RPS6KC1: variants seen among roughly 807,000 people sequenced by gnomAD.
RPS6KC1 encodes ribosomal protein S6 kinase C1, also known as inactive ribosomal protein S6 kinase delta-1.
In RPS6KC1, 54 loss-of-function variants were observed where a neutral mutation model predicts 103.8. The observed-to-expected ratio is 0.52, with a 90% CI of 0.42 to 0.65. The LOEUF (loss-of-function observed/expected upper bound fraction) is 0.65, where lower values mean the gene tolerates loss of function less well. Among genes scored for constraint, RPS6KC1 ranks in the 30% least tolerant of loss-of-function variants. RPS6KC1 has a pLI of 0.00. For missense variants in RPS6KC1, 1,151 were observed against 1,253.8 expected (o/e 0.92, Z 1.24); for synonymous variants, 439 against 438.7 (o/e 1.00, Z -0.01).
At chr1:213,692,383 T>C in the RPS6KC1 span, among the ~76,000 whole-genome samples, 1 of 104,484 alleles carries the variant, frequency 9.6e-6, no homozygotes, top group Middle Eastern at 4.5e-3. Flanking sequence ...AGTGAGACTC[T>C]GTCTCAAAAA....
chr1:213,432,732 A>C, the RPS6KC1 span, among the ~76,000 whole-genome samples: 1 of 142,914 alleles, frequency 7.0e-6, no homozygotes, highest in Non-Finnish European at 1.5e-5. Flanking sequence ...AGAATCATAC[A>C]GCATGTAATC....
chr1:213,447,785 A>G, the RPS6KC1 span, among the ~76,000 whole-genome samples: 2 of 152,240 alleles, frequency 1.3e-5, no homozygotes, highest in Non-Finnish European at 2.9e-5. Flanking sequence ...GGAAGATAAA[A>G]TAGAAATTAA....
At chr1:213,296,940 C>T in the RPS6KC1 span, among the ~76,000 whole-genome samples, 8 of 152,186 alleles carry the variant, frequency 5.3e-5, no homozygotes, top group Admixed American at 3.9e-4. Context: ...GGGGAAGAAT[C>T]TTCCAGGTGG....
chr1:213,829,100 C>G, the RPS6KC1 span, among the ~76,000 whole-genome samples: 1 of 152,030 alleles, frequency 6.6e-6, no homozygotes, highest in Non-Finnish European at 1.5e-5. Context: ...ACTTATGAAT[C>G]TTGTAGTCCC....
chr1:213,661,118 C>T, the RPS6KC1 span, among the ~76,000 whole-genome samples: 1 of 152,088 alleles, frequency 6.6e-6, no homozygotes, highest in Non-Finnish European at 1.5e-5. Flanking sequence ...AGCCTTCAGA[C>T]CCCAGAGCTT....
intron 8 of RPS6KC1, among the ~76,000 whole-genome samples, chr1:213,222,001 A>G (rs1467331441): frequency 6.6e-6 from 1 of 152,276 alleles, no homozygotes; most frequent in African/African-American, 2.4e-5. Flanking sequence ...CCTCAAAGAG[A>G]TATTTCCTTT....
intron 12 of RPS6KC1, among the ~76,000 whole-genome samples, chr1:213,245,121 A>G (rs2094433271): frequency 6.6e-6 from 1 of 152,180 alleles, no homozygotes; most frequent in African/African-American, 2.4e-5. Flanking sequence ...CCCCTTACTT[A>G]TAACTCAAGG....
At chr1:213,689,779 G>A in the RPS6KC1 span, among the ~76,000 whole-genome samples, 1,754 of 152,278 alleles carry the variant, frequency 0.012, 24 homozygotes, top group Middle Eastern at 0.041. Flanking sequence ...TAGTTCTGCC[G>A]CAGGTCCTAG....
the RPS6KC1 span, among the ~76,000 whole-genome samples, chr1:213,810,901 G>C: frequency 5.9e-5 from 9 of 152,186 alleles, no homozygotes; most frequent in Non-Finnish European, 1.3e-4. Flanking sequence ...GGCTGGTCTA[G>C]AATTCAAACC....
At chr1:213,614,285 G>A in the RPS6KC1 span, among the ~76,000 whole-genome samples, 2 of 152,198 alleles carry the variant, frequency 1.3e-5, no homozygotes, top group African/African-American at 4.8e-5. Flanking sequence ...CCTAGACCAG[G>A]AAAGGTGCCC....
At chr1:213,454,240 GAACA>G in the RPS6KC1 span, among the ~76,000 whole-genome samples, 89 of 152,166 alleles carry the variant, frequency 5.8e-4, no homozygotes, top group African/African-American at 1.8e-3. Flanking sequence ...CATGCTCTTT[GAACA>G]AACAAGGACA....
chr1:213,505,586 G>GT, the RPS6KC1 span, among the ~76,000 whole-genome samples: 3 of 152,156 alleles, frequency 2.0e-5, no homozygotes, highest in African/African-American at 7.2e-5. Flanking sequence ...CTGACACATC[G>GT]TAAGTGCTCA....
chr1:213,359,385 CT>C, the RPS6KC1 span, among the ~76,000 whole-genome samples: 3 of 152,086 alleles, frequency 2.0e-5, no homozygotes, highest in East Asian at 1.9e-4. Context: ...CAACCCTTGC[CT>C]TTTTTTGTTT....
the RPS6KC1 span, among the ~76,000 whole-genome samples, chr1:213,588,327 C>T: frequency 6.7e-6 from 1 of 148,902 alleles, no homozygotes; most frequent in African/African-American, 2.5e-5. Context: ...TGGAGTCTCA[C>T]TTGTTGCCCA....
At chr1:213,632,183 G>C in the RPS6KC1 span, among the ~76,000 whole-genome samples, 5 of 152,152 alleles carry the variant, frequency 3.3e-5, no homozygotes, top group Non-Finnish European at 1.5e-5. Flanking sequence ...GGGTGTTTCA[G>C]TTTTTTGAAA....
chr1:213,058,318 A>G (rs2077525943), intron 1 of RPS6KC1, among the ~76,000 whole-genome samples: 1 of 151,854 alleles, frequency 6.6e-6, no homozygotes, highest in South Asian at 2.1e-4. Context: ...CCATGCTTTT[A>G]GTGTCATACC....
At chr1:213,197,083 C>T (rs535697691) in intron 8 of RPS6KC1, among the ~76,000 whole-genome samples, 19 of 152,222 alleles carry the variant, frequency 1.2e-4, no homozygotes, top group East Asian at 1.9e-4. Flanking sequence ...GCGATCCACC[C>T]GCCTCAGCCT....
chr1:213,432,162 C>A, the RPS6KC1 span, among the ~76,000 whole-genome samples: 1 of 152,136 alleles, frequency 6.6e-6, no homozygotes, highest in South Asian at 2.1e-4. Flanking sequence ...TTTCTAGATA[C>A]AAGTCCTATG....
the RPS6KC1 span, among the ~76,000 whole-genome samples, chr1:213,642,815 A>G: frequency 3.0e-3 from 460 of 151,946 alleles, 1 homozygote; most frequent in African/African-American, 0.01. Context: ...AATACTCTTA[A>G]GTTTATTTTC....
Sources: allele counts gnomAD v4.1 joint callset (sites outside exome capture counted in the v4.1 genomes callset), GRCh38; gene constraint gnomAD v4.1.1; transcripts MANE v1.5; gene names NCBI Gene and HGNC (gene_info 2026-07-23, HGNC 2026-07-21).